CPED1: variants seen among roughly 807,000 people sequenced by gnomAD.
CPED1 encodes the protein cadherin like and PC-esterase domain containing 1, also known as cadherin-like and PC-esterase domain-containing protein 1.
A neutral mutation model predicts 128.2 loss-of-function variants in CPED1; 114 were observed. The ratio of observed to expected loss-of-function variants is 0.89; its 90% CI spans 0.76 to 1.04. CPED1 has a LOEUF of 1.04. Among genes scored for constraint, CPED1 ranks in the 50% least tolerant of loss-of-function variants. CPED1 has a pLI of 0.00. For missense variants in CPED1, 1,211 were observed against 1,207.1 expected, an observed-to-expected ratio of 1.00 and a Z score of -0.05; for synonymous variants, 462 against 426.7, an observed-to-expected ratio of 1.08 and a Z score of -1.02.
At position 121,130,291 on chromosome 7, in the gene CPED1, A is replaced by T; in HGVS notation, c.1574A>T (p.Glu525Val). Residue 525 changes from glutamate to valine, a missense_variant, in exon 12 of 23, where the codon GAA (glutamate) becomes GTA (valine). Coordinates refer to ENST00000310396, the MANE Select transcript of CPED1 (RefSeq NM_024913.5). ...AAAAAGACACAGCCACATCCACTGG[A>T]ATGGTAAGATAGCCACAAATTTGAA... ...MNKKTQPHPLEWNSFTEDKNI... is the reference protein window; with the variant it reads ...MNKKTQPHPLVWNSFTEDKNI... The T allele has an allele frequency of 6.3e-7, 1 of 1,594,676 alleles. No homozygotes were observed. The highest frequency in any genetic ancestry group is 8.5e-7 in the Non-Finnish European group (1 of 1,173,476).
At chr7:121,194,022 C>CTCTCTCTCTA (rs1484413430) in intron 16 of CPED1, among the ~76,000 whole-genome samples, 8 of 74,742 alleles carry the variant, frequency 1.1e-4, no homozygotes, top group South Asian at 6.1e-4. Flanking sequence ...CTCTCTCTCT[C>CTCTCTCTCTA]TATATATATA....
intron 3 of CPED1, among the ~76,000 whole-genome samples, chr7:121,043,046 C>T (rs1024496172): frequency 2.6e-5 from 4 of 151,962 alleles, no homozygotes; most frequent in South Asian, 2.1e-4. Flanking sequence ...AAAGGCACAT[C>T]GAGAAAGACA....
intron 7 of CPED1, among the ~76,000 whole-genome samples, chr7:121,115,415 C>T (rs1258722687): frequency 1.3e-5 from 2 of 152,106 alleles, no homozygotes; most frequent in African/African-American, 4.8e-5. Flanking sequence ...GCAAATTGCT[C>T]TATCATGTTC....
intron 7 of CPED1, among the ~76,000 whole-genome samples, chr7:121,114,619 A>T (rs1157017006): frequency 6.6e-6 from 1 of 152,196 alleles, no homozygotes; most frequent in Non-Finnish European, 1.5e-5. Flanking sequence ...ATTTCTTTGC[A>T]AGTGTCTTTG....
At chr7:121,033,182 C>T (rs1479470919) in intron 3 of CPED1, among the ~76,000 whole-genome samples, 1 of 152,132 alleles carries the variant, frequency 6.6e-6, no homozygotes, top group Admixed American at 6.5e-5. Flanking sequence ...TAGATTGAAA[C>T]CACTGCTGAG....
Position 121,266,628 on chromosome 7 carries a change from T to A in CPED1, c.2532-79T>A. 3 of 1,235,316 alleles carry A rather than the reference T, an allele frequency of 2.4e-6. No individual in the cohort carries two copies. The South Asian group carries it at 3.7e-5, about 15-fold the overall frequency. The allele number at this position is 1,235,316 out of a possible 1,614,324, so 76.5% of individuals were successfully genotyped here. A position where few individuals can be genotyped will look rare whatever the true frequency, so the allele number is the denominator to read the frequency against. The stretch of plus-strand genomic sequence containing the variant: ...CTTATGATCAAGATGCCAGATACAG[T>A]GAAATGTGAGGCAGTGCAGTTACAA... On this transcript the variant is annotated intron_variant, in intron 19 of 22. Transcript: ENST00000310396.
In CPED1 at chr7:121,152,439, T is replaced by C. The variant is rs540930998; in HGVS notation, c.2055+10298T>C. On this transcript the variant is annotated intron_variant, in intron 16 of 22. Coordinates refer to ENST00000310396, the MANE Select transcript of CPED1 (RefSeq NM_024913.5). ...TTTTCTTTGAGTGAAATAATCCCTC[T>C]TAAATACTTTGATCAAAATACTATT... is the stretch of plus-strand genomic sequence containing the variant. 7.2e-5 allele frequency among the ~76,000 whole-genome samples: 11 copies of C among 152,372 alleles called. No homozygotes were observed. The East Asian group carries it at 1.3e-3, about 19-fold the overall frequency.
chr7:121,120,937 C>A (rs1795367055), intron 7 of CPED1, among the ~76,000 whole-genome samples: 2 of 117,178 alleles, frequency 1.7e-5, no homozygotes. Context: ...CACTGAAATC[C>A]AGAAGATAAA....
chr7:121,287,358 A>G (rs772530103), intron 22 of CPED1, among the ~76,000 whole-genome samples: 3 of 140,436 alleles, frequency 2.1e-5, no homozygotes, highest in Non-Finnish European at 3.1e-5. Flanking sequence ...TAATTTTGGC[A>G]ATGACGCCAA....
At chr7:121,250,390 C>T (rs1480280956) in intron 18 of CPED1, among the ~76,000 whole-genome samples, 7 of 150,988 alleles carry the variant, frequency 4.6e-5, no homozygotes, top group Non-Finnish European at 8.9e-5. Flanking sequence ...AAATTGACAC[C>T]CTAACATCAC....
intron 18 of CPED1, among the ~76,000 whole-genome samples, chr7:121,249,226 A>T (rs1798611477): frequency 6.6e-6 from 1 of 152,176 alleles, no homozygotes; most frequent in Admixed American, 6.5e-5. Flanking sequence ...GAGGGGAGAG[A>T]TAATAGACAA....
chr7:121,256,129 CA>C (rs201393067), intron 18 of CPED1, among the ~76,000 whole-genome samples: 9 of 101,238 alleles, frequency 8.9e-5, no homozygotes, highest in Admixed American at 3.2e-4. Context: ...AAAAACAAAA[CA>C]AAAAAAAAAA....
At chr7:121,278,696 GGGA>G (rs1172675388) in intron 22 of CPED1, among the ~76,000 whole-genome samples, 1 of 152,142 alleles carries the variant, frequency 6.6e-6, no homozygotes, top group Non-Finnish European at 1.5e-5. Flanking sequence ...CTGGTCATGA[GGGA>G]GCCCAGCCTT....
chr7:121,092,705 G>A (rs1412975225), intron 5 of CPED1, among the ~76,000 whole-genome samples: 2 of 152,180 alleles, frequency 1.3e-5, no homozygotes, highest in African/African-American at 4.8e-5. Flanking sequence ...GTAGGAGCTT[G>A]TTCAGCTAAA....
chr7:121,149,380 A>G (rs1796099551), intron 16 of CPED1, among the ~76,000 whole-genome samples: 1 of 152,206 alleles, frequency 6.6e-6, no homozygotes, highest in Non-Finnish European at 1.5e-5. Context: ...CTGTTTCAGC[A>G]CTTATATAAA....
At chr7:121,105,267 C>T (rs1034268017) in intron 7 of CPED1, among the ~76,000 whole-genome samples, 3 of 151,998 alleles carry the variant, frequency 2.0e-5, no homozygotes, top group South Asian at 2.1e-4. Context: ...CCTCATTTGT[C>T]GTCAATATTT....
chr7:121,090,844 G>A lies in CPED1; in HGVS notation c.617-6855G>A, dbSNP rs543461754. The stretch of plus-strand genomic sequence containing the variant: ...GTTGCCTATAATCCCAGCTACTCGA[G>A]AGGCTGAGACACAAGAATCGCTTGA... On this transcript the variant is annotated intron_variant, in intron 5 of 22. Transcript: ENST00000310396. Among the ~76,000 whole-genome samples the A allele has an allele frequency of 4.6e-5, 7 of 152,200 alleles. No individual in the cohort carries two copies. In the East Asian group the frequency reaches 1.2e-3, roughly 25 times the overall value.
chr7:121,270,372 A>G (rs1045685551), intron 21 of CPED1, among the ~76,000 whole-genome samples: 2 of 152,044 alleles, frequency 1.3e-5, no homozygotes, highest in Admixed American at 6.6e-5. Context: ...TTTGCTGTGC[A>G]TAGCTCTTTA....
chr7:121,149,808 C>T (rs1264469224), intron 16 of CPED1, among the ~76,000 whole-genome samples: 1 of 152,118 alleles, frequency 6.6e-6, no homozygotes, highest in African/African-American at 2.4e-5. Flanking sequence ...TCCAATGTGA[C>T]ATTTGAAACT....
Sources: allele counts gnomAD v4.1 joint callset (sites outside exome capture counted in the v4.1 genomes callset), GRCh38; gene constraint gnomAD v4.1.1; transcripts MANE v1.5; gene names NCBI Gene and HGNC (gene_info 2026-07-23, HGNC 2026-07-21).